CLSTN2: variants seen among roughly 807,000 people sequenced by gnomAD.
CLSTN2 encodes calsyntenin 2.
In CLSTN2, 48 loss-of-function variants were observed where a neutral mutation model predicts 101.2. That is an observed-to-expected ratio of 0.47 (90% CI 0.38 to 0.60). The LOEUF (loss-of-function observed/expected upper bound fraction) is 0.60. Ranked by LOEUF, CLSTN2 falls within the 20% of genes least tolerant of loss-of-function variation. The probability of loss-of-function intolerance (pLI) is 0.00; values close to 1 mark genes in which losing one functional copy is unlikely to be tolerated. For synonymous variants in CLSTN2, 481 were observed against 463.6 expected (o/e 1.04, Z -0.48); for missense variants, 1,160 against 1,238.2 (o/e 0.94, Z 0.95).
chr3:140,005,211 C>T (rs1286763302), intron 1 of CLSTN2, among the ~76,000 whole-genome samples: 1 of 152,148 alleles, frequency 6.6e-6, no homozygotes, highest in African/African-American at 2.4e-5. Flanking sequence ...GAACCCTTGG[C>T]CACTAGTATT....
At position 140,412,714 on chromosome 3, in the gene CLSTN2, A is replaced by G. The variant is rs541354658; in HGVS notation, c.637+7948A>G. ...AAATTTTTTTCTCAACCATGACGGT[A>G]TGAAACTAGAAATCAATAGCAGGAC... is the stretch of plus-strand genomic sequence containing the variant. On this transcript the variant is annotated intron_variant, in intron 4 of 16. Transcript: ENST00000458420. 3.3e-4 allele frequency among the ~76,000 whole-genome samples: 50 copies of G among 152,362 alleles called. No homozygotes were observed. In the South Asian group the frequency reaches 0.01, roughly 31 times the overall value.
intron 8 of CLSTN2, among the ~76,000 whole-genome samples, chr3:140,472,942 A>G (rs1440900430): frequency 6.6e-6 from 1 of 152,044 alleles, no homozygotes; most frequent in Non-Finnish European, 1.5e-5. Flanking sequence ...GACTGTTTCC[A>G]TTTCAAAGAG....
intron 1 of CLSTN2, among the ~76,000 whole-genome samples, chr3:140,135,117 C>CAT (rs66931848): frequency 2.2e-3 from 127 of 58,104 alleles, no homozygotes; most frequent in African/African-American, 2.9e-3. Flanking sequence ...CACACACACA[C>CAT]ATATATATAT....
intron 5 of CLSTN2, among the ~76,000 whole-genome samples, chr3:140,436,146 T>C (rs112249888): frequency 0.017 from 2,620 of 152,214 alleles, 69 homozygotes; most frequent in African/African-American, 0.058. Context: ...GCTCAAGAAA[T>C]CTTTGCCCAG....
intron 2 of CLSTN2, among the ~76,000 whole-genome samples, chr3:140,345,441 G>A (rs1175983759): frequency 6.6e-6 from 1 of 151,604 alleles, no homozygotes; most frequent in Non-Finnish European, 1.5e-5. Flanking sequence ...GTAGAGATAG[G>A]GTCTCACTAT....
intron 8 of CLSTN2, among the ~76,000 whole-genome samples, chr3:140,484,628 C>T (rs1438191054): frequency 6.6e-6 from 1 of 152,214 alleles, no homozygotes; most frequent in African/African-American, 2.4e-5. Flanking sequence ...GGTCTTTTCA[C>T]ATAGTCCCAT....
intron 8 of CLSTN2, among the ~76,000 whole-genome samples, chr3:140,471,221 C>T (rs1344528227): frequency 6.6e-6 from 1 of 152,184 alleles, no homozygotes; most frequent in Non-Finnish European, 1.5e-5. Context: ...TGCCAGCACA[C>T]ACAGGATAGG....
rs560259839 is a variant in CLSTN2, at chr3:140,281,484, C to T, written c.232+105411C>T. On this transcript the variant is annotated intron_variant, in intron 2 of 16. Transcript: ENST00000458420. ...CTTATGGTGGAGCAGGACTGAGTTCCGTGGTCACTGCTATTTTGCCTGTGT... is the reference window on the plus strand; with the variant it reads ...CTTATGGTGGAGCAGGACTGAGTTCTGTGGTCACTGCTATTTTGCCTGTGT... Among the ~76,000 whole-genome samples the T allele has an allele frequency of 1.4e-4, 21 of 152,264 alleles. 1 individual carries two copies. The highest frequency in any genetic ancestry group is 3.9e-4 in the Admixed American group (6 of 15,294).
chr3:140,375,501 A>G (rs1212296895), intron 2 of CLSTN2, among the ~76,000 whole-genome samples: 2 of 152,068 alleles, frequency 1.3e-5, no homozygotes, highest in Non-Finnish European at 2.9e-5. Context: ...CTTCTTTTCC[A>G]TTTTGTTTTA....
At chr3:140,310,979 C>T (rs1157133466) in intron 2 of CLSTN2, among the ~76,000 whole-genome samples, 6 of 152,064 alleles carry the variant, frequency 3.9e-5, no homozygotes, top group East Asian at 1.9e-4. Context: ...CATCCCAGGC[C>T]GAAGGAACGG....
intron 8 of CLSTN2, among the ~76,000 whole-genome samples, chr3:140,476,948 C>G (rs571719629): frequency 6.6e-6 from 1 of 152,074 alleles, no homozygotes; most frequent in Non-Finnish European, 1.5e-5. Context: ...TGTGAGCCAC[C>G]GTGCCCAGCC....
rs149819286 is a variant in CLSTN2, at chr3:140,439,724, AAC to A, written c.788-8786_788-8785del. ...CACAGCACACACATGTGCACATGCA[AAC>A]ACACACACGTGCACGTGCACACACA... is the stretch of plus-strand genomic sequence containing the variant. On this transcript the variant is annotated intron_variant, in intron 5 of 16. Coordinates refer to ENST00000458420, the MANE Select transcript of CLSTN2 (RefSeq NM_022131.3). Among the ~76,000 whole-genome samples the A allele has an allele frequency of 5.1e-4, 76 of 148,316 alleles. 1 individual carries two copies. The East Asian group carries it at 0.014, about 27-fold the overall frequency.
At chr3:140,459,812 G>C (rs201193714) in intron 7 of CLSTN2, 43 bp downstream of exon 7, 1 of 1,607,242 alleles carries the variant, frequency 6.2e-7, no homozygotes, top group Non-Finnish European at 8.5e-7. Context: ...TACCCCAGCA[G>C]CTGCCCATTT....
At chr3:140,486,083 G>T (rs1010068376) in intron 8 of CLSTN2, among the ~76,000 whole-genome samples, 1 of 150,720 alleles carries the variant, frequency 6.6e-6, no homozygotes, top group Non-Finnish European at 1.5e-5. Flanking sequence ...TGGCCGTCTT[G>T]GCTCCACCCC....
At chr3:140,109,251 A>G (rs1482959368) in intron 1 of CLSTN2, among the ~76,000 whole-genome samples, 1 of 152,166 alleles carries the variant, frequency 6.6e-6, no homozygotes, top group Non-Finnish European at 1.5e-5. Flanking sequence ...GCTCCAGGAT[A>G]GTTCTCTCTA....
chr3:140,063,195 A>G (rs557140421), intron 1 of CLSTN2, among the ~76,000 whole-genome samples: 8 of 152,230 alleles, frequency 5.3e-5, no homozygotes, highest in African/African-American at 4.8e-5. Context: ...TGTCACCTGC[A>G]TGCATAATGA....
At position 140,329,407 on chromosome 3, in the gene CLSTN2, T is replaced by C. The variant is rs182465375; in HGVS notation, c.233-74222T>C. Among the ~76,000 whole-genome samples, 488 of 152,258 alleles carry C rather than the reference T, an allele frequency of 3.2e-3. 1 individual carries two copies. Among genetic ancestry groups the C allele is most frequent in the African/African-American group, 0.011 (439 of 41,572 alleles). On this transcript the variant is annotated intron_variant, in intron 2 of 16. Coordinates refer to ENST00000458420, the MANE Select transcript of CLSTN2 (RefSeq NM_022131.3). ...TCCTAAATAAATAAATATAGATGTC[T>C]TCTGTATCTTTTGACTTTACGACTT...
At chr3:140,340,307 T>C (rs1026762751) in intron 2 of CLSTN2, among the ~76,000 whole-genome samples, 1 of 152,238 alleles carries the variant, frequency 6.6e-6, no homozygotes, top group African/African-American at 2.4e-5. Context: ...AATGTGATAG[T>C]AATGTATGCC....
chr3:140,332,216 A>G (rs2087389824), intron 2 of CLSTN2, among the ~76,000 whole-genome samples: 1 of 152,206 alleles, frequency 6.6e-6, no homozygotes, highest in South Asian at 2.1e-4. Flanking sequence ...GATGTGGAGG[A>G]CAAACCAAGA....
Sources: allele counts gnomAD v4.1 joint callset (sites outside exome capture counted in the v4.1 genomes callset), GRCh38; gene constraint gnomAD v4.1.1; transcripts MANE v1.5; gene names NCBI Gene and HGNC (gene_info 2026-07-23, HGNC 2026-07-21).